SMTN: variants seen among roughly 807,000 people sequenced by gnomAD.
The protein encoded by SMTN is smoothelin.
A neutral mutation model predicts 102.0 loss-of-function variants in SMTN; 58 were observed. That is an observed-to-expected ratio of 0.57 (90% confidence interval 0.46 to 0.71). The LOEUF (loss-of-function observed/expected upper bound fraction) is 0.71. SMTN is among the 30% of genes least tolerant of loss of function. SMTN has a pLI of 0.00. For missense variants in SMTN, 1,185 were observed against 1,241.7 expected (o/e 0.95, Z 0.69); for synonymous variants, 478 against 497.9 (o/e 0.96, Z 0.53).
At position 31,090,953 on chromosome 22, in the gene SMTN, C is replaced by T. The variant is rs2043084631; in HGVS notation, c.938-8C>T. 2 of 1,612,862 alleles carry T rather than the reference C, an allele frequency of 1.2e-6. No individual in the cohort carries two copies. The highest frequency in any genetic ancestry group is 2.7e-5 in the African/African-American group (2 of 75,004). ...CCCAGTTGCTGACAGCCCTCCTGTT[C>T]CTTCTAGAGTCCACCCCCCTTGCCA... On this transcript the variant is annotated splice_region_variant and splice_polypyrimidine_tract_variant and intron_variant, in intron 9 of 20. Coordinates refer to ENST00000333137, the MANE Select transcript of SMTN (RefSeq NM_134269.3).
intron 2 of SMTN, among the ~76,000 whole-genome samples, chr22:31,086,007 G>A (rs138111255): frequency 6.6e-6 from 1 of 152,286 alleles, no homozygotes; most frequent in Non-Finnish European, 1.5e-5. Flanking sequence ...TGCCCCTCTG[G>A]GCCTCTTTAC....
At chr22:31,078,017 G>A (rs1435983145), upstream of SMTN, among the ~76,000 whole-genome samples, 1 of 152,232 alleles carries the variant, frequency 6.6e-6, no homozygotes, top group East Asian at 1.9e-4. Flanking sequence ...CTGCCTGTCT[G>A]TTGCCCAACA....
rs368020135 is a variant in SMTN at position 31,104,231 on chromosome 22, G to A, written c.*21-85G>A. ...TTTATGAAAGACCAGCAGGCAATGCGGCAATAAAAAAGACCTTGGGGTAGA... is the reference window on the plus strand; with the variant it reads ...TTTATGAAAGACCAGCAGGCAATGCAGCAATAAAAAAGACCTTGGGGTAGA... On this transcript the variant is annotated intron_variant, in intron 20 of 20. Transcript: ENST00000333137. 36 of 1,475,210 alleles carry A rather than the reference G, an allele frequency of 2.4e-5. No individual in the cohort carries two copies. The African/African-American group carries it at 3.9e-4, about 16-fold the overall frequency. The allele number at this position is 1,475,210 out of a possible 1,614,324, so 91.4% of individuals were successfully genotyped here. A position where few individuals can be genotyped will look rare whatever the true frequency, so the allele number is the denominator to read the frequency against.
Position 31,091,045 on chromosome 22 carries a change from C to A in SMTN, c.1022C>A (p.Ser341Tyr). ...RDRVHKFTSD[S>Y]PMAARLQDGT... ...CGTGTCCACAAGTTCACATCTGATT[C>A]TCCTATGGCTGCTAGGCTCCAGGAT... The change falls in exon 10 of 21, where the codon TCT becomes TAT. Residue 341 changes from serine (S) to tyrosine (Y), a missense_variant. Transcript: ENST00000333137. 1.2e-6 allele frequency: 2 copies of A among 1,614,096 alleles called. No homozygotes were observed. Among genetic ancestry groups the A allele is most frequent in the Non-Finnish European group, 1.7e-6 (2 of 1,179,992 alleles).
At chr22:31,088,442 T>C (rs1405552745) in intron 3 of SMTN, 71 bp from the exon 4 acceptor site, 1 of 1,386,890 alleles carries the variant, frequency 7.2e-7, no homozygotes, top group South Asian at 1.2e-5. Context: ...CTGTTCTGGC[T>C]CCTACCCTTA....
intron 1 of SMTN, chr22:31,064,282 GA>G (rs1354912198): frequency 1.3e-5 from 2 of 152,176 alleles, no homozygotes; most frequent in East Asian, 3.8e-4. Context: ...TTTAGGGGAT[GA>G]AGACACAATT....
At chr22:31,093,422 C>A (rs1190215045) in intron 11 of SMTN, 3 of 473,936 alleles carry the variant, frequency 6.3e-6, no homozygotes, top group Non-Finnish European at 8.1e-6. Context: ...CCCACCATTA[C>A]CCCCCATAGA....
chr22:31,097,612 A>G (rs910100762), intron 16 of SMTN, among the ~76,000 whole-genome samples: 1 of 152,024 alleles, frequency 6.6e-6, no homozygotes, highest in Non-Finnish European at 1.5e-5. Context: ...GCCGAGGCAC[A>G]AGAATCACTT....
intron 1 of SMTN, among the ~76,000 whole-genome samples, chr22:31,074,544 C>A (rs962420123): frequency 1.3e-5 from 2 of 152,090 alleles, no homozygotes; most frequent in African/African-American, 4.8e-5. Flanking sequence ...AATCCCAGCA[C>A]TTTGGGAGGC....
chr22:31,070,444 A>G (rs1044193062), intron 1 of SMTN, among the ~76,000 whole-genome samples: 26 of 151,386 alleles, frequency 1.7e-4, no homozygotes, highest in Non-Finnish European at 3.4e-4. Context: ...GTTTCTGGAG[A>G]TTGTTCCTGC....
At chr22:31,098,880 G>A in intron 17 of SMTN, 40 bp downstream of exon 17, 1 of 1,529,398 alleles carries the variant, frequency 6.5e-7, no homozygotes, top group Middle Eastern at 2.2e-4. Context: ...GGGGCGGGGC[G>A]TGATAGGCAG....
intron 3 of SMTN, 179 bp from the exon 4 acceptor site, chr22:31,088,334 G>A (rs2042858527): frequency 2.6e-6 from 2 of 756,678 alleles, no homozygotes; most frequent in South Asian, 1.7e-5. Context: ...ACGTCTGAGT[G>A]TGTGGTATTA....
chr22:31,096,975 C>T (rs771636963), intron 14 of SMTN, 23 bp from the exon 15 acceptor site: 2 of 1,614,024 alleles, frequency 1.2e-6, no homozygotes, highest in Admixed American at 3.3e-5. Flanking sequence ...CTTTCACATC[C>T]TTCTCATCCC....
At chr22:31,076,201 C>T (rs1324444577) in intron 1 of SMTN, among the ~76,000 whole-genome samples, 8 of 152,220 alleles carry the variant, frequency 5.3e-5, no homozygotes, top group Non-Finnish European at 1.0e-4. Context: ...GCACTCCCTC[C>T]CACCGTGGCC....
chr22:31,104,528 C>G lies in SMTN; in HGVS notation c.*233C>G. ...CGCCCCCACTCTCCGGGCACCGTCT[C>G]CTGCCTGTGCGTCCGCCCACCGCTG... is the stretch of plus-strand genomic sequence containing the variant. On this transcript the variant is annotated 3_prime_UTR_variant, in exon 21 of 21. Coordinates refer to ENST00000333137, the MANE Select transcript of SMTN (RefSeq NM_134269.3). The G allele has an allele frequency of 6.4e-7, 1 of 1,565,598 alleles. No homozygotes were observed. Among genetic ancestry groups the G allele is most frequent in the Non-Finnish European group, 8.7e-7 (1 of 1,147,574 alleles).
chr22:31,088,840 C>T (rs1465175302), intron 5 of SMTN, 32 bp from the exon 6 acceptor site: 1 of 1,611,982 alleles, frequency 6.2e-7, no homozygotes, highest in Admixed American at 1.7e-5. Context: ...ACCTCCCTGT[C>T]ACTCACCTGC....
At chr22:31,085,307 G>A in intron 2 of SMTN, 1 of 1,486,910 alleles carries the variant, frequency 6.7e-7, no homozygotes, top group Non-Finnish European at 9.0e-7. Flanking sequence ...CGAGGCGAGG[G>A]CGGCGCCCTG....
In SMTN at chr22:31,067,522, G is replaced by A. The variant is rs1333948329; in HGVS notation, c.-386+3335G>A. 2.0e-5 allele frequency: 3 copies of A among 148,148 alleles called. No homozygotes were observed. In the Admixed American group the frequency reaches 2.0e-4, roughly 10 times the overall value. The allele number at this position is 148,148 out of a possible 1,614,324, so 9.2% of individuals were successfully genotyped here. A position where few individuals can be genotyped will look rare whatever the true frequency, so the allele number is the denominator to read the frequency against. On this transcript the variant is annotated intron_variant, in intron 1 of 3. Coordinates refer to the SMTN transcript ENST00000422839. Reference sequence around the variant, plus strand: ...CAAAGTGCTGGGATTACAGGCATAAGCCACCACGCCCGGCGCACCTGCTTC... The same window carrying A: ...CAAAGTGCTGGGATTACAGGCATAAACCACCACGCCCGGCGCACCTGCTTC...
rs567057307 is a variant in SMTN at position 31,085,410 on chromosome 22, G to A, written c.51+2101G>A. ...GCGGGACCCCCATGGGCAACCGGGG[G>A]AGCTGGGACTGAAAGCCTGGAGAGC... On this transcript the variant is annotated intron_variant, in intron 2 of 20. Coordinates refer to ENST00000333137, the MANE Select transcript of SMTN (RefSeq NM_134269.3). 2.8e-5 allele frequency: 25 copies of A among 882,420 alleles called. No homozygotes were observed. The South Asian group carries it at 4.1e-4, about 15-fold the overall frequency. The allele number at this position is 882,420 out of a possible 1,614,324, so 54.7% of individuals were successfully genotyped here.
Sources: allele counts gnomAD v4.1 joint callset (sites outside exome capture counted in the v4.1 genomes callset), GRCh38; gene constraint gnomAD v4.1.1; transcripts MANE v1.5; gene names NCBI Gene and HGNC (gene_info 2026-07-23, HGNC 2026-07-21).